Variants in SLC38A6 observed in about 807,000 individuals in gnomAD.
The protein encoded by SLC38A6 is N system amino acid transporter NAT-1.
In SLC38A6, 73 loss-of-function variants were observed where a neutral mutation model predicts 65.0. The observed-to-expected ratio is 1.12, with a 90% CI of 0.93 to 1.37. SLC38A6 has a LOEUF of 1.37. Among genes scored for constraint, SLC38A6 ranks in the 40% most tolerant of loss-of-function variants. The probability of loss-of-function intolerance (pLI) is 0.00; values close to 1 mark genes in which losing one functional copy is unlikely to be tolerated. For missense variants in SLC38A6, 561 were observed against 531.1 expected (o/e 1.06, Z -0.55); for synonymous variants, 183 against 178.8 (o/e 1.02, Z -0.19).
At chr14:61,057,941 G>C (rs2042762079) in intron 15 of SLC38A6, among the ~76,000 whole-genome samples, 1 of 135,802 alleles carries the variant, frequency 7.4e-6, no homozygotes, top group South Asian at 2.5e-4. Flanking sequence ...ATGGTAGTTT[G>C]TATTTCTGTG....
At chr14:61,000,769 G>T (rs537288264) in intron 3 of SLC38A6, among the ~76,000 whole-genome samples, 5 of 152,292 alleles carry the variant, frequency 3.3e-5, no homozygotes, top group Admixed American at 1.3e-4. Context: ...AGCATCGTTT[G>T]GGTATCTTAT....
chr14:61,002,934 A>G (rs192525962), intron 3 of SLC38A6, among the ~76,000 whole-genome samples: 33 of 152,270 alleles, frequency 2.2e-4, no homozygotes, highest in Admixed American at 3.9e-4. Context: ...TTCTGTAGGA[A>G]TATGCTATTA....
intron 3 of SLC38A6, among the ~76,000 whole-genome samples, chr14:60,992,864 T>TC (rs1205869149): frequency 6.6e-6 from 1 of 151,656 alleles, no homozygotes; most frequent in Non-Finnish European, 1.5e-5. Flanking sequence ...TTTTTTTTTT[T>TC]TTTGAGGCAG....
chr14:61,066,215 G>A (rs2043013618), intron 15 of SLC38A6, among the ~76,000 whole-genome samples: 1 of 152,056 alleles, frequency 6.6e-6, no homozygotes, highest in African/African-American at 2.4e-5. Context: ...TCCATAAGGA[G>A]GTAGGAAAAG....
At chr14:61,013,415 G>C (rs976241426) in intron 3 of SLC38A6, among the ~76,000 whole-genome samples, 2 of 152,192 alleles carry the variant, frequency 1.3e-5, no homozygotes, top group Admixed American at 6.5e-5. Flanking sequence ...GTGTGAATTT[G>C]ATCCTGTCGT....
Position 61,083,113 on chromosome 14 carries a change from G to T in SLC38A6, c.1409-442G>T, listed in dbSNP as rs553829159. On this transcript the variant is annotated intron_variant, in intron 16 of 16. Coordinates refer to the SLC38A6 transcript ENST00000354886. ...ATTTCCTCCTGCTCTGAGCCCAGAG[G>T]TTCACCTAGTGGACTGTAGCAATGG... Among the ~76,000 whole-genome samples the T allele has an allele frequency of 3.3e-5, 5 of 152,324 alleles. No homozygotes were observed. The South Asian group carries it at 8.3e-4, about 25-fold the overall frequency.
rs2037976931 is a variant in SLC38A6, at chr14:60,992,538, A to G, written c.310+7735A>G. Among the ~76,000 whole-genome samples, 4 of 152,278 alleles carry G rather than the reference A, an allele frequency of 2.6e-5. No individual in the cohort carries two copies. In the South Asian group the frequency reaches 8.3e-4, roughly 32 times the overall value. On this transcript the variant is annotated intron_variant, in intron 3 of 15. Coordinates refer to ENST00000267488, the MANE Select transcript of SLC38A6 (RefSeq NM_153811.3). ...AAGTTCATGTCATTTTAATTCATAC[A>G]GTTCAAAAGTGGGGAAGAAAATAAC...
intron 15 of SLC38A6, among the ~76,000 whole-genome samples, chr14:61,065,036 A>C (rs1416722937): frequency 2.6e-5 from 4 of 152,152 alleles, no homozygotes; most frequent in African/African-American, 9.7e-5. Flanking sequence ...GTCTGGTTGC[A>C]GAGAAAACAA....
intron 3 of SLC38A6, among the ~76,000 whole-genome samples, chr14:61,005,416 T>C (rs1334315734): frequency 7.4e-6 from 1 of 134,862 alleles, no homozygotes; most frequent in African/African-American, 2.6e-5. Context: ...ATGACATGAT[T>C]GTATATCTAG....
chr14:61,081,558 G>C (rs965638005), intron 16 of SLC38A6, among the ~76,000 whole-genome samples: 2 of 152,044 alleles, frequency 1.3e-5, no homozygotes, highest in Non-Finnish European at 2.9e-5. Context: ...AGTAGTGTGT[G>C]CCTGTAATCC....
intron 3 of SLC38A6, among the ~76,000 whole-genome samples, chr14:61,006,816 T>C (rs2039158227): frequency 6.6e-6 from 1 of 152,120 alleles, no homozygotes; most frequent in African/African-American, 2.4e-5. Context: ...AGCCATCCCA[T>C]TACTGGGTAT....
chr14:61,029,614 T>G (rs1334342488), intron 5 of SLC38A6, among the ~76,000 whole-genome samples: 1 of 152,204 alleles, frequency 6.6e-6, no homozygotes, highest in Non-Finnish European at 1.5e-5. Context: ...ATTAAAACTT[T>G]TCCTAGTATT....
At chr14:61,018,288 T>G (rs953504062) in intron 4 of SLC38A6, among the ~76,000 whole-genome samples, 8 of 152,226 alleles carry the variant, frequency 5.3e-5, no homozygotes, top group Non-Finnish European at 8.8e-5. Context: ...CAAAATAGTC[T>G]TTTCACAAAT....
At chr14:61,009,232 CT>C (rs1031293882) in intron 3 of SLC38A6, among the ~76,000 whole-genome samples, 15 of 152,120 alleles carry the variant, frequency 9.9e-5, no homozygotes, top group African/African-American at 3.1e-4. Context: ...AAATTTACCC[CT>C]GATCAGCCTA....
At chr14:60,999,346 T>A (rs1173384680) in intron 3 of SLC38A6, among the ~76,000 whole-genome samples, 1 of 152,244 alleles carries the variant, frequency 6.6e-6, no homozygotes, top group Non-Finnish European at 1.5e-5. Context: ...GATTGTAATT[T>A]TGAGTAATGA....
At chr14:61,018,975 G>A (rs1195059985) in intron 4 of SLC38A6, among the ~76,000 whole-genome samples, 1 of 152,098 alleles carries the variant, frequency 6.6e-6, no homozygotes, top group Non-Finnish European at 1.5e-5. Context: ...AACTCCCATT[G>A]TCTTATATTC....
chr14:60,997,889 G>T (rs929783313), intron 3 of SLC38A6, among the ~76,000 whole-genome samples: 2 of 152,070 alleles, frequency 1.3e-5, no homozygotes, highest in African/African-American at 4.8e-5. Context: ...ATAAAAATGA[G>T]TTCAGTTTTA....
At chr14:61,005,106 A>G (rs1349294961) in intron 3 of SLC38A6, among the ~76,000 whole-genome samples, 1 of 152,218 alleles carries the variant, frequency 6.6e-6, no homozygotes, top group African/African-American at 2.4e-5. Flanking sequence ...ATCTCAATAG[A>G]TGCAGAAAAG....
chr14:61,080,600 T>C (rs1327014347), intron 16 of SLC38A6, among the ~76,000 whole-genome samples: 1 of 152,212 alleles, frequency 6.6e-6, no homozygotes, highest in Admixed American at 6.5e-5. Flanking sequence ...GTCGAAGTGG[T>C]TTGATTTGCA....
Sources: allele counts gnomAD v4.1 joint callset (sites outside exome capture counted in the v4.1 genomes callset), GRCh38; gene constraint gnomAD v4.1.1; transcripts MANE v1.5; gene names NCBI Gene and HGNC (gene_info 2026-07-23, HGNC 2026-07-21).